The following DSN1 variants were observed in gnomAD, a reference collection of about 807,000 sequenced individuals.
DSN1 encodes the protein DSN1 component of MIS12 kinetochore complex.
A neutral mutation model predicts 45.7 loss-of-function variants in DSN1; 31 were observed. The observed-to-expected ratio is 0.68, with a 90% CI of 0.51 to 0.92. The LOEUF (loss-of-function observed/expected upper bound fraction) is 0.92, where lower values mean the gene tolerates loss of function less well. Among genes scored for constraint, DSN1 ranks in the 40% least tolerant of loss-of-function variants. The pLI, the probability that DSN1 is intolerant of heterozygous loss-of-function variation, is 0.00. For synonymous variants in DSN1, 134 were observed against 142.3 expected, an observed-to-expected ratio of 0.94 and a Z score of 0.41; for missense variants, 394 against 414.2, an observed-to-expected ratio of 0.95 and a Z score of 0.42.
At chr20:36,773,514 C>G in intron 1 of DSN1, 148 bp downstream of exon 1, 1 of 985,936 alleles carries the variant, frequency 1.0e-6, no homozygotes, top group Non-Finnish European at 1.2e-6. Flanking sequence ...CGGGGACCCC[C>G]AGTGTCCACG....
chr20:36,759,470 T>C (rs945053717), intron 6 of DSN1, among the ~76,000 whole-genome samples: 1 of 151,980 alleles, frequency 6.6e-6, no homozygotes, highest in Admixed American at 6.6e-5. Context: ...TCTATTTCAC[T>C]TTTCCACTAG....
chr20:36,769,834 TA>T (rs1173331037), intron 3 of DSN1, among the ~76,000 whole-genome samples: 3 of 151,708 alleles, frequency 2.0e-5, no homozygotes, highest in African/African-American at 7.3e-5. Context: ...GTTACTATTG[TA>T]AATTCACACA....
In DSN1 at chr20:36,771,053, G is replaced by A. The variant is rs1171676810; in HGVS notation, c.175C>T (p.Pro59Ser). 12 of 1,614,044 alleles carry A rather than the reference G, an allele frequency of 7.4e-6. No individual in the cohort carries two copies. Among genetic ancestry groups the A allele is most frequent in the Admixed American group, 6.7e-5 (4 of 60,010 alleles). Residue 59 changes from proline to serine, a missense_variant, in exon 3 of 11, where the codon CCT becomes TCT. Coordinates refer to ENST00000373750, the MANE Select transcript of DSN1 (RefSeq NM_001145315.2). ...AGATCACAATTTCCCCCTTTTTTAG[G>A]GCTAGAGCCAAGGTGAATTCTTTCC... ...SEERIHLGSS[P>S]KKGGNCDLSH...
At chr20:36,762,311 CG>C (rs1183426463) in intron 6 of DSN1, 149 bp downstream of exon 6, 15 of 493,320 alleles carry the variant, frequency 3.0e-5, no homozygotes, top group Non-Finnish European at 5.1e-5. Flanking sequence ...GGGGTTTCAC[CG>C]TGTTAGCCAG....
chr20:36,772,520 C>T (rs1233975544), intron 1 of DSN1, among the ~76,000 whole-genome samples: 2 of 152,106 alleles, frequency 1.3e-5, no homozygotes, highest in East Asian at 3.9e-4. Flanking sequence ...AACTCTTGAC[C>T]TCAGGTGATC....
intron 3 of DSN1, 112 bp from the exon 4 acceptor site, chr20:36,768,154 C>T: frequency 1.1e-6 from 1 of 948,310 alleles, no homozygotes; most frequent in South Asian, 1.5e-5. Context: ...CAAGAACAGC[C>T]TTCTTTAGTT....
chr20:36,766,937 A>G, intron 4 of DSN1, 96 bp from the exon 5 acceptor site: 1 of 749,398 alleles, frequency 1.3e-6, no homozygotes, highest in Non-Finnish European at 2.2e-6. Flanking sequence ...ATATGAAACT[A>G]AATACTAAAT....
intron 10 of DSN1, among the ~76,000 whole-genome samples, chr20:36,753,195 C>A (rs1275263): frequency 0.046 from 6,706 of 146,936 alleles, 293 homozygotes; most frequent in African/African-American, 0.12. Context: ...AAAAAAAAAA[C>A]AATTAGCCTA....
intron 8 of DSN1, among the ~76,000 whole-genome samples, chr20:36,757,416 T>C (rs1986734619): frequency 6.6e-6 from 1 of 151,878 alleles, no homozygotes; most frequent in Admixed American, 6.6e-5. Flanking sequence ...CTGTCTCTAC[T>C]AAAAATACAA....
chr20:36,758,532 A>G (rs776442412), intron 7 of DSN1, 26 bp downstream of exon 7: 23 of 1,584,092 alleles, frequency 1.5e-5, no homozygotes, highest in Admixed American at 1.8e-5. Context: ...GAACGAATTT[A>G]GATTTTCTAA....
At chr20:36,761,184 T>C (rs2425278) in intron 6 of DSN1, among the ~76,000 whole-genome samples, 7,734 of 152,196 alleles carry the variant, frequency 0.051, 706 homozygotes, top group African/African-American at 0.18. Context: ...TCCCCTCATC[T>C]TTTCATGGCT....
chr20:36,758,675 A>T, intron 6 of DSN1, 58 bp from the exon 7 acceptor site: 1 of 1,473,178 alleles, frequency 6.8e-7, no homozygotes, highest in Non-Finnish European at 9.3e-7. Context: ...CTTTAATATA[A>T]TCGCTTATAA....
At chr20:36,763,494 C>A (rs1171091314) in intron 5 of DSN1, among the ~76,000 whole-genome samples, 1 of 148,704 alleles carries the variant, frequency 6.7e-6, no homozygotes, top group Non-Finnish European at 1.5e-5. Context: ...AAATTATGGG[C>A]ATAGCCGGGC....
At chr20:36,755,259 C>A (rs940021077) in intron 9 of DSN1, among the ~76,000 whole-genome samples, 1 of 152,050 alleles carries the variant, frequency 6.6e-6, no homozygotes, top group African/African-American at 2.4e-5. Context: ...TTCTCCAATA[C>A]CCATACCTTT....
intron 8 of DSN1, among the ~76,000 whole-genome samples, chr20:36,756,553 C>T (rs999706547): frequency 2.6e-5 from 4 of 152,170 alleles, no homozygotes; most frequent in African/African-American, 4.8e-5. Context: ...ACTTTAATAA[C>T]AACAACTACT....
chr20:36,760,139 G>A (rs1986894488), intron 6 of DSN1, among the ~76,000 whole-genome samples: 1 of 152,048 alleles, frequency 6.6e-6, no homozygotes, highest in South Asian at 2.1e-4. Flanking sequence ...AGCTACTAGG[G>A]AGGCTGAGGC....
At chr20:36,754,731 T>G (rs1600999701) in intron 10 of DSN1, 32 bp downstream of exon 10, 1 of 1,597,454 alleles carries the variant, frequency 6.3e-7, no homozygotes, top group East Asian at 2.2e-5. Flanking sequence ...GAAAACAGCC[T>G]GAACTCTGGT....
intron 3 of DSN1, 50 bp from the exon 4 acceptor site, chr20:36,768,092 G>A: frequency 6.3e-7 from 1 of 1,577,396 alleles, no homozygotes; most frequent in Non-Finnish European, 8.7e-7. Flanking sequence ...TACATAGTTA[G>A]CAACTAACAA....
chr20:36,758,456 G>T, intron 7 of DSN1, 102 bp downstream of exon 7: 4 of 1,023,314 alleles, frequency 3.9e-6, no homozygotes, highest in Non-Finnish European at 5.8e-6. Flanking sequence ...ATGCACTAAT[G>T]CTGACTCTCC....
Sources: gnomAD v4.1 joint callset for allele counts (sites outside exome capture counted in the v4.1 genomes callset) on GRCh38, gnomAD v4.1.1 for gene constraint, MANE v1.5 for transcripts, NCBI Gene and HGNC (gene_info 2026-07-23, HGNC 2026-07-21) for gene names.